Variants in SH2D3A observed in about 807,000 individuals in gnomAD.
SH2D3A encodes the protein SH2 domain containing 3A, also known as SH2 domain-containing protein 3A.
A neutral mutation model predicts 50.6 loss-of-function variants in SH2D3A; 46 were observed. The ratio of observed to expected loss-of-function variants is 0.91; its 90% confidence interval spans 0.72 to 1.16. The LOEUF is 1.16. Among genes scored for constraint, SH2D3A ranks in the 50% most tolerant of loss-of-function variants. The pLI is 0.00. For missense variants in SH2D3A, 783 were observed against 786.2 expected (o/e 1.00, Z 0.05); for synonymous variants, 377 against 348.4 (o/e 1.08, Z -0.91).
rs1969354196 is a variant in SH2D3A at position 6,752,205 on chromosome 19, T to A, written c.*388A>T. The A allele has an allele frequency of 5.2e-6, 1 of 191,788 alleles. No homozygotes were observed. Among genetic ancestry groups the A allele is most frequent in the South Asian group, 1.9e-4 (1 of 5,172 alleles). The allele number at this position is 191,788 out of a possible 1,614,324, so 11.9% of individuals were successfully genotyped here. A position where few individuals can be genotyped will look rare whatever the true frequency, so the allele number is the denominator to read the frequency against. ...TTTTATTTTTCAGTTTTTGTAGAGA[T>A]GAGGTCTCACCATGTTGCCCTGGCT... On this transcript the variant is annotated 3_prime_UTR_variant, in exon 10 of 10. Coordinates refer to ENST00000245908, the MANE Select transcript of SH2D3A (RefSeq NM_005490.3).
chr19:6,760,820 T>A lies in SH2D3A; in HGVS notation c.237A>T (p.Gln79His). 6.2e-7 allele frequency: 1 copy of A among 1,614,156 alleles called. No homozygotes were observed. Among genetic ancestry groups the A allele is most frequent in the Non-Finnish European group, 8.5e-7 (1 of 1,180,008 alleles). ...PRPGRPTALF[Q>H]LEDEQFPSIP... ...TGCTGGGGAATTGCTCATCCTCCAG[T>A]TGAAAGAGGGCTGTGGGTCGGCCTG... Residue 79 changes from glutamine (Q) to histidine (H), a missense_variant, in exon 3 of 10, where the codon CAA becomes CAT. Physicochemically the swap from Gln to His is conservative, Grantham distance 24. Transcript: ENST00000245908.
Position 6,760,652 on chromosome 19 carries a change from C to A in SH2D3A, c.405G>T (p.Arg135=). 1 of 1,581,408 alleles carries A rather than the reference C, an allele frequency of 6.3e-7. No individual in the cohort carries two copies. ...SEDTLMDGPA[R]IEPLRARKWS... Reference sequence around the variant, plus strand: ...ACTGTGAGTACCTGAGAGGCTCTATCCGAGCTGGGCCATCCATCAGGGTGT... The same window carrying A: ...ACTGTGAGTACCTGAGAGGCTCTATACGAGCTGGGCCATCCATCAGGGTGT... Residue 135 remains arginine, a synonymous_variant, in exon 3 of 10, where the codon CGG becomes CGT. Transcript: ENST00000245908.
At chr19:6,761,283 T>G (rs948524946) in intron 2 of SH2D3A, 2 of 346,686 alleles carry the variant, frequency 5.8e-6, no homozygotes, top group South Asian at 8.7e-5. Flanking sequence ...CATAAAACCC[T>G]GCTGCACAAT....
intron 4 of SH2D3A, chr19:6,758,645 T>C (rs150693884): frequency 6.6e-6 from 1 of 152,360 alleles, no homozygotes; most frequent in East Asian, 1.9e-4. Context: ...GCAAACAAAA[T>C]TGCCTTATTT....
chr19:6,754,316 G>T lies in SH2D3A; in HGVS notation c.1207C>A (p.Arg403=). ...GGCAGGTCCCCCGCCGCCCCTGGCC[G>T]CAGCGCCAGCGCCAGCTCTACCAGT... ...RGLVELALAL[R]PGAAGDLPGL... is the part of the protein sequence containing the mutation. Residue 403 remains arginine, a synonymous_variant, in exon 7 of 10, where the codon CGG becomes AGG. Transcript: ENST00000245908. 6.4e-7 allele frequency: 1 copy of T among 1,568,580 alleles called. No individual in the cohort carries two copies. The highest frequency in any genetic ancestry group is 8.6e-7 in the Non-Finnish European group (1 of 1,163,708).
chr19:6,753,421 T>A, intron 9 of SH2D3A, 35 bp downstream of exon 9: 1 of 1,445,644 alleles, frequency 6.9e-7, no homozygotes, highest in East Asian at 2.6e-5. Context: ...CAGGGTGCTC[T>A]GAAGTCTGCA....
intron 2 of SH2D3A, among the ~76,000 whole-genome samples, chr19:6,762,125 T>G (rs553280122): frequency 6.6e-6 from 1 of 152,194 alleles, no homozygotes; most frequent in East Asian, 1.9e-4. Flanking sequence ...GCTTTAAATG[T>G]AAAGGGTGTT....
intron 9 of SH2D3A, chr19:6,753,226 G>C: frequency 5.1e-6 from 5 of 985,390 alleles, no homozygotes; most frequent in Non-Finnish European, 6.0e-6. Context: ...GGTGGCTCTG[G>C]GGGCAGGACA....
At chr19:6,761,569 T>C (rs541536616) in intron 2 of SH2D3A, among the ~76,000 whole-genome samples, 1 of 152,310 alleles carries the variant, frequency 6.6e-6, no homozygotes, top group East Asian at 1.9e-4. Flanking sequence ...GAGAAGCCAT[T>C]AGCTGGATGC....
At chr19:6,758,058 T>G (rs901117967) in intron 4 of SH2D3A, 1 of 152,154 alleles carries the variant, frequency 6.6e-6, no homozygotes, top group African/African-American at 2.4e-5. Context: ...GTTTTTTCGG[T>G]TTTTTTGAGA....
Position 6,754,168 on chromosome 19 carries a change from G to C in SH2D3A, c.1273-5C>G, listed in dbSNP as rs1233863107. On this transcript the variant is annotated splice_region_variant and splice_polypyrimidine_tract_variant and intron_variant, in intron 7 of 9. Transcript: ENST00000245908. ...CGTGTGCTCCAACCGGGACACCTGGGAGAAGAGATCTGAGCACGCCTCCTC... is the reference window on the plus strand; with the variant it reads ...CGTGTGCTCCAACCGGGACACCTGGCAGAAGAGATCTGAGCACGCCTCCTC... The C allele has an allele frequency of 3.1e-6, 5 of 1,612,404 alleles. No individual in the cohort carries two copies. Among genetic ancestry groups the C allele is most frequent in the Non-Finnish European group, 4.2e-6 (5 of 1,179,402 alleles).
Position 6,753,490 on chromosome 19 carries a change from G to T in SH2D3A, c.1536C>A (p.Pro512=). The T allele has an allele frequency of 6.5e-7, 1 of 1,535,966 alleles. No homozygotes were observed. Among genetic ancestry groups the T allele is most frequent in the Non-Finnish European group, 8.8e-7 (1 of 1,137,940 alleles). The stretch of plus-strand genomic sequence containing the variant: ...GCTGGGCTGCCACCTTGCGGAATTT[G>T]GGTGCGTCCCGGACCATGTGACGCG... ...HGARHMVRDA[P]KFRKVAAQRL... is the part of the protein sequence containing the mutation. The change falls in exon 9 of 10, where the codon CCC becomes CCA. Residue 512 remains proline (P), a synonymous_variant. Transcript: ENST00000245908.
chr19:6,762,084 C>T (rs573841523), intron 2 of SH2D3A, among the ~76,000 whole-genome samples: 12 of 152,098 alleles, frequency 7.9e-5, no homozygotes, highest in East Asian at 7.7e-4. Context: ...AGCAGACACA[C>T]GTGTGTAGCC....
Position 6,755,132 on chromosome 19 carries a change from C to T in SH2D3A, c.680G>A (p.Arg227His), listed in dbSNP as rs369236840. Residue 227 changes from arginine (R) to histidine (H), a missense_variant, in exon 5 of 10, where the codon CGT (arginine) becomes CAT (histidine). Transcript: ENST00000245908. ...CACCAGCTCGCAGTACGTCGGGGGA[C>T]GTTCAGAGGCATCAGGCAGTTCGAA... ...PSFELPDASERPPTYCELVPR... is the reference protein window; with the variant it reads ...PSFELPDASEHPPTYCELVPR... 3.1e-5 allele frequency: 50 copies of T among 1,613,304 alleles called. No individual in the cohort carries two copies. Among genetic ancestry groups the T allele is most frequent in the African/African-American group, 6.7e-5 (5 of 74,878 alleles).
intron 2 of SH2D3A, 151 bp from the exon 3 acceptor site, chr19:6,761,138 G>A (rs906553140): frequency 7.7e-5 from 49 of 635,874 alleles, no homozygotes; most frequent in Non-Finnish European, 1.2e-4. Flanking sequence ...TTCACACCAA[G>A]TTCTGTCCCC....
chr19:6,762,492 T>C (rs1001348955), intron 2 of SH2D3A, among the ~76,000 whole-genome samples: 10 of 149,226 alleles, frequency 6.7e-5, no homozygotes, highest in African/African-American at 2.2e-4. Flanking sequence ...GCCCATTTTT[T>C]TCTTCCGGCC....
Position 6,755,101 on chromosome 19 carries a change from T to C in SH2D3A, c.711A>G (p.Arg237=). 1 of 1,614,044 alleles carries C rather than the reference T, an allele frequency of 6.2e-7. No individual in the cohort carries two copies. The highest frequency in any genetic ancestry group is 8.5e-7 in the Non-Finnish European group (1 of 1,179,994). Residue 237 remains arginine, a synonymous_variant, in exon 5 of 10, where the codon CGA becomes CGG. Transcript: ENST00000245908. ...RPPTYCELVP[R]VPSVQGTSPS... is the part of the protein sequence containing the mutation. ...GGGATGTTCCCTGGACACTGGGCACTCGGGGCACCAGCTCGCAGTACGTCG... is the reference window on the plus strand; with the variant it reads ...GGGATGTTCCCTGGACACTGGGCACCCGGGGCACCAGCTCGCAGTACGTCG...
intron 4 of SH2D3A, chr19:6,759,274 C>A (rs900110909): frequency 7.5e-6 from 2 of 268,118 alleles, no homozygotes; most frequent in Non-Finnish European, 1.5e-5. Context: ...CCACCACGCT[C>A]GGCTAATTTT....
chr19:6,752,517 G>A lies in SH2D3A; in HGVS notation c.*76C>T, dbSNP rs923080610. Reference sequence around the variant, plus strand: ...ATTCCACCTGAGGCGCGAGGAGCCTGGGACGACTCCTTTGGTCTCTTCTGG... The same window carrying A: ...ATTCCACCTGAGGCGCGAGGAGCCTAGGACGACTCCTTTGGTCTCTTCTGG... On this transcript the variant is annotated 3_prime_UTR_variant, in exon 10 of 10. Transcript: ENST00000245908. 7.5e-7 allele frequency: 1 copy of A among 1,336,158 alleles called. No homozygotes were observed. Among genetic ancestry groups the A allele is most frequent in the Non-Finnish European group, 9.9e-7 (1 of 1,013,772 alleles). 82.8% of individuals were successfully genotyped at this position (1,336,158 alleles called of 1,614,324 possible).
Sources: allele counts gnomAD v4.1 joint callset (sites outside exome capture counted in the v4.1 genomes callset), GRCh38; gene constraint gnomAD v4.1.1; transcripts MANE v1.5; gene names NCBI Gene and HGNC (gene_info 2026-07-23, HGNC 2026-07-21).